The following DPP10 variants were observed in gnomAD, a reference collection of about 807,000 sequenced individuals.
The protein encoded by DPP10 is inactive dipeptidyl peptidase 10.
A neutral mutation model predicts 120.9 loss-of-function variants in DPP10; 33 were observed. The ratio of observed to expected loss-of-function variants is 0.27; its 90% CI spans 0.21 to 0.37. The LOEUF is 0.37. DPP10 is among the 10% of genes least tolerant of loss of function. The pLI, the probability that DPP10 is intolerant of heterozygous loss-of-function variation, is 1.00. For missense variants in DPP10, 816 were observed against 942.8 expected, an observed-to-expected ratio of 0.87 and a Z score of 1.76; for synonymous variants, 337 against 326.1, an observed-to-expected ratio of 1.03 and a Z score of -0.36.
chr2:115,218,013 G>A (rs1383671684), intron 1 of DPP10, among the ~76,000 whole-genome samples: 1 of 152,106 alleles, frequency 6.6e-6, no homozygotes, highest in Non-Finnish European at 1.5e-5. Context: ...TCATGAGATT[G>A]TATTCTTTTC....
At chr2:115,197,391 C>CA (rs757548532) in intron 1 of DPP10, among the ~76,000 whole-genome samples, 16,301 of 100,154 alleles carry the variant, frequency 0.16, 930 homozygotes, top group Middle Eastern at 0.22. Context: ...GACTCCATCT[C>CA]AAAAAAAAAA....
intron 1 of DPP10, among the ~76,000 whole-genome samples, chr2:115,198,406 G>T (rs113106631): frequency 1.3e-5 from 2 of 152,180 alleles, no homozygotes; most frequent in Non-Finnish European, 2.9e-5. Context: ...TGGCATGTGT[G>T]TGTGTAGTAG....
At chr2:114,692,655 ATCTG>A (rs1699834861) in intron 1 of DPP10, among the ~76,000 whole-genome samples, 1 of 151,990 alleles carries the variant, frequency 6.6e-6, no homozygotes, top group Non-Finnish European at 1.5e-5. Flanking sequence ...TGTCTCAATG[ATCTG>A]TCTAATATTG....
In DPP10 at chr2:114,684,817, G is replaced by A. The variant is rs138767782; in HGVS notation, c.60+241979G>A. On this transcript the variant is annotated intron_variant, in intron 1 of 25. Transcript: ENST00000410059. ...TTGTGAGATACTGTACAGCACCTTC[G>A]ATTCATGTGCGTAGGTCTGAATTCT... Among the ~76,000 whole-genome samples, 893 of 152,060 alleles carry A rather than the reference G, an allele frequency of 5.9e-3. 7 individuals carry two copies. The highest frequency in any genetic ancestry group is 0.01 in the Middle Eastern group (3 of 294).
chr2:115,132,603 T>A (rs1465435761), intron 1 of DPP10, among the ~76,000 whole-genome samples: 4 of 152,154 alleles, frequency 2.6e-5, no homozygotes, highest in Admixed American at 2.6e-4. Context: ...GATCTCTGTT[T>A]TAACTTTAAT....
rs143526532 is a variant in DPP10 at position 115,371,745 on chromosome 2, A to T, written c.271+27833A>T. On this transcript the variant is annotated intron_variant, in intron 3 of 25. Transcript: ENST00000410059. ...CAAATATTTTTATAAATAACATTTG[A>T]AAAACAGTATATATTTTGGTTTAGT... is the stretch of plus-strand genomic sequence containing the variant. Among the ~76,000 whole-genome samples, 7 of 152,294 alleles carry T rather than the reference A, an allele frequency of 4.6e-5. 1 individual carries two copies. In the East Asian group the frequency reaches 1.3e-3, roughly 29 times the overall value.
At chr2:115,611,005 A>G (rs766829174) in intron 5 of DPP10, among the ~76,000 whole-genome samples, 3 of 152,140 alleles carry the variant, frequency 2.0e-5, no homozygotes, top group South Asian at 2.1e-4. Flanking sequence ...TTCTCCCAAC[A>G]TATCGATATT....
chr2:114,742,845 T>C (rs964536477), intron 1 of DPP10, among the ~76,000 whole-genome samples: 2 of 152,220 alleles, frequency 1.3e-5, no homozygotes, highest in African/African-American at 4.8e-5. Context: ...TAAAATCTCC[T>C]GGAAGTCATC....
At chr2:114,582,997 G>A (rs927361647) in intron 1 of DPP10, among the ~76,000 whole-genome samples, 1 of 152,148 alleles carries the variant, frequency 6.6e-6, no homozygotes, top group African/African-American at 2.4e-5. Flanking sequence ...ATTTGTTGGG[G>A]CCTGGGAATC....
intron 3 of DPP10, chr2:115,468,138 C>A: frequency 2.0e-6 from 1 of 492,286 alleles, no homozygotes. Flanking sequence ...TTAGGTGGCA[C>A]CAACCTTGAC....
At chr2:115,286,526 A>ATATATATATATAATATATATATATAT (rs10675008) in intron 1 of DPP10, among the ~76,000 whole-genome samples, 1 of 60,946 alleles carries the variant, frequency 1.6e-5, no homozygotes, top group South Asian at 5.1e-4. Flanking sequence ...ATATATATAT[A>ATATATATATATAATATATATATATAT]ATATATATAT....
intron 1 of DPP10, among the ~76,000 whole-genome samples, chr2:115,223,285 A>G (rs1030351610): frequency 1.3e-5 from 2 of 152,120 alleles, no homozygotes; most frequent in Non-Finnish European, 2.9e-5. Context: ...CCACTGTGCC[A>G]CCAGGTTATT....
intron 1 of DPP10, among the ~76,000 whole-genome samples, chr2:114,444,232 G>A (rs1404930615): frequency 1.3e-5 from 2 of 152,122 alleles, no homozygotes; most frequent in South Asian, 2.1e-4. Flanking sequence ...TTTCCTCTGT[G>A]TATCAGTTTC....
At chr2:114,475,006 A>G (rs1332350861) in intron 1 of DPP10, among the ~76,000 whole-genome samples, 3 of 152,206 alleles carry the variant, frequency 2.0e-5, no homozygotes, top group African/African-American at 7.2e-5. Context: ...TCTTGAAGCA[A>G]TCTGGTCAGC....
intron 3 of DPP10, among the ~76,000 whole-genome samples, chr2:115,394,563 A>T (rs2067546359): frequency 6.6e-6 from 1 of 152,170 alleles, no homozygotes; most frequent in Non-Finnish European, 1.5e-5. Context: ...CATTTTTTAA[A>T]AGTATTTATC....
At chr2:115,396,492 G>C (rs2067689201) in intron 3 of DPP10, among the ~76,000 whole-genome samples, 4 of 152,174 alleles carry the variant, frequency 2.6e-5, no homozygotes. Flanking sequence ...CATGTGGTCT[G>C]TTTTAAAAAT....
At chr2:114,638,755 G>A (rs190607952) in intron 1 of DPP10, among the ~76,000 whole-genome samples, 1 of 151,862 alleles carries the variant, frequency 6.6e-6, no homozygotes, top group African/African-American at 2.4e-5. Context: ...TAAAACAGAA[G>A]TACGGTTAGA....
At chr2:115,661,542 G>A (rs563141475) in intron 5 of DPP10, among the ~76,000 whole-genome samples, 4 of 152,328 alleles carry the variant, frequency 2.6e-5, no homozygotes, top group African/African-American at 9.6e-5. Flanking sequence ...AGTGGCTTTT[G>A]TAGTCCTGAA....
intron 5 of DPP10, among the ~76,000 whole-genome samples, chr2:115,640,116 TC>T (rs1394444209): frequency 6.6e-6 from 1 of 152,102 alleles, no homozygotes; most frequent in African/African-American, 2.4e-5. Context: ...GTAAAAGGCT[TC>T]AGGCTTGCAG....
Sources: gnomAD v4.1 joint callset for allele counts (sites outside exome capture counted in the v4.1 genomes callset) on GRCh38, gnomAD v4.1.1 for gene constraint, MANE v1.5 for transcripts, NCBI Gene and HGNC (gene_info 2026-07-23, HGNC 2026-07-21) for gene names.